The following PEPD variants were observed in gnomAD, a reference collection of about 807,000 sequenced individuals.
PEPD encodes peptidase D.
In PEPD, 53 loss-of-function variants were observed where a neutral mutation model predicts 60.7. That is an observed-to-expected ratio of 0.87 (90% CI 0.70 to 1.10). PEPD has a LOEUF of 1.10. Ranked by LOEUF, PEPD falls within the 50% of genes least tolerant of loss-of-function variation. PEPD has a pLI of 0.00. For missense variants in PEPD, 711 were observed against 711.9 expected (o/e 1.00, Z 0.01); for synonymous variants, 267 against 284.1 (o/e 0.94, Z 0.60).
intron 4 of PEPD, among the ~76,000 whole-genome samples, chr19:33,496,331 TG>T (rs1025090949): frequency 6.6e-6 from 1 of 152,156 alleles, no homozygotes; most frequent in Non-Finnish European, 1.5e-5. Context: ...GCCGTCTCCT[TG>T]CAGCCCGGTG....
chr19:33,494,801 C>T (rs533295511), intron 4 of PEPD, among the ~76,000 whole-genome samples: 19 of 152,334 alleles, frequency 1.2e-4, no homozygotes, highest in African/African-American at 4.3e-4. Context: ...AATAACAGCG[C>T]AGCCCAGATT....
chr19:33,505,865 C>A (rs915999092), intron 3 of PEPD, among the ~76,000 whole-genome samples: 1 of 132,968 alleles, frequency 7.5e-6, no homozygotes, highest in African/African-American at 2.6e-5. Flanking sequence ...ACACCCACCA[C>A]ACCCCATCAC....
At chr19:33,459,224 C>T (rs2145265583) in intron 9 of PEPD, among the ~76,000 whole-genome samples, 1 of 152,246 alleles carries the variant, frequency 6.6e-6, no homozygotes, top group South Asian at 2.1e-4. Context: ...TCTCCCTTTC[C>T]CATGATTCTC....
intron 9 of PEPD, among the ~76,000 whole-genome samples, chr19:33,459,263 A>T (rs1178021660): frequency 1.3e-5 from 2 of 152,056 alleles, no homozygotes; most frequent in Non-Finnish European, 2.9e-5. Flanking sequence ...AAGGGCCCCA[A>T]ATGCCCCATT....
chr19:33,468,871 C>G (rs958233367), intron 7 of PEPD, among the ~76,000 whole-genome samples: 1 of 152,172 alleles, frequency 6.6e-6, no homozygotes, highest in African/African-American at 2.4e-5. Context: ...CGCCGTATGG[C>G]GGGTGCAGTC....
intron 9 of PEPD, among the ~76,000 whole-genome samples, chr19:33,426,539 C>T (rs941381728): frequency 2.0e-5 from 3 of 152,244 alleles, no homozygotes; most frequent in Non-Finnish European, 2.9e-5. Context: ...CCCTCCCTAT[C>T]GTCCTCTGCT....
chr19:33,434,774 G>A (rs1389996925), intron 9 of PEPD, among the ~76,000 whole-genome samples: 1 of 152,166 alleles, frequency 6.6e-6, no homozygotes, highest in Non-Finnish European at 1.5e-5. Context: ...ACTGGGCCTT[G>A]GGAACGGGGC....
intron 4 of PEPD, among the ~76,000 whole-genome samples, chr19:33,498,027 G>A (rs1458648064): frequency 3.3e-5 from 5 of 151,928 alleles, no homozygotes; most frequent in Admixed American, 6.5e-5. Context: ...ACGGGGTGGG[G>A]GCTACGGCCC....
intron 9 of PEPD, among the ~76,000 whole-genome samples, chr19:33,439,167 C>T (rs940339045): frequency 6.6e-6 from 1 of 152,232 alleles, no homozygotes; most frequent in Non-Finnish European, 1.5e-5. Context: ...CGTGCTTCCC[C>T]TGAGGAGGGA....
Position 33,430,063 on chromosome 19 carries a change from C to T in PEPD, c.672-16420G>A, listed in dbSNP as rs1318676809. Among the ~76,000 whole-genome samples the T allele has an allele frequency of 2.0e-5, 3 of 152,160 alleles. No individual in the cohort carries two copies. In the East Asian group the frequency reaches 5.8e-4, roughly 29 times the overall value. The stretch of plus-strand genomic sequence containing the variant: ...TGAGAACATGGCTTCTGGAGAGAGG[C>T]CACCTGGCTCCTCTAAGACCCATCT... On this transcript the variant is annotated intron_variant, in intron 9 of 14. Coordinates refer to ENST00000244137, the MANE Select transcript of PEPD (RefSeq NM_000285.4).
intron 5 of PEPD, among the ~76,000 whole-genome samples, chr19:33,491,307 G>A (rs1970495665): frequency 6.6e-6 from 1 of 152,012 alleles, no homozygotes; most frequent in South Asian, 2.1e-4. Flanking sequence ...AATATTAGCT[G>A]GGTGTGGTGG....
intron 9 of PEPD, among the ~76,000 whole-genome samples, chr19:33,460,593 C>A (rs1486500964): frequency 6.6e-6 from 1 of 152,194 alleles, no homozygotes; most frequent in South Asian, 2.1e-4. Context: ...CCCGTACCCA[C>A]CCCCCTGCTC....
intron 12 of PEPD, among the ~76,000 whole-genome samples, chr19:33,398,625 C>T (rs969481749): frequency 1.3e-5 from 2 of 152,346 alleles, no homozygotes; most frequent in South Asian, 2.1e-4. Context: ...ATCATTCATT[C>T]GAGTGACTAG....
chr19:33,443,977 C>T (rs1162408846), intron 9 of PEPD, among the ~76,000 whole-genome samples: 1 of 151,988 alleles, frequency 6.6e-6, no homozygotes, highest in Non-Finnish European at 1.5e-5. Context: ...CGCGCGTGCG[C>T]GCGCACACAC....
intron 9 of PEPD, among the ~76,000 whole-genome samples, chr19:33,461,622 C>G (rs918564635): frequency 1.3e-5 from 2 of 152,226 alleles, no homozygotes; most frequent in Non-Finnish European, 2.9e-5. Context: ...CACTGTGATT[C>G]AACTCAAGCT....
At chr19:33,515,504 G>A (rs936669033) in intron 1 of PEPD, among the ~76,000 whole-genome samples, 1 of 152,076 alleles carries the variant, frequency 6.6e-6, no homozygotes. Context: ...AGATGGCCAT[G>A]CTGTCAGGAG....
intron 5 of PEPD, among the ~76,000 whole-genome samples, chr19:33,490,527 T>C (rs938288588): frequency 1.3e-5 from 2 of 152,234 alleles, no homozygotes; most frequent in African/African-American, 4.8e-5. Flanking sequence ...GTGGCAGGAC[T>C]GCTGTGAAGC....
intron 9 of PEPD, among the ~76,000 whole-genome samples, chr19:33,457,966 G>A (rs1390916211): frequency 1.3e-5 from 2 of 152,234 alleles, no homozygotes; most frequent in Non-Finnish European, 2.9e-5. Flanking sequence ...CAGCACCCTC[G>A]GCTCGGGTGG....
intron 4 of PEPD, among the ~76,000 whole-genome samples, chr19:33,498,074 G>C (rs549651769): frequency 1.3e-5 from 2 of 151,946 alleles, no homozygotes; most frequent in Non-Finnish European, 2.9e-5. Flanking sequence ...CTCCCGCAGC[G>C]GGAGGGCCAA....
Sources: allele counts gnomAD v4.1 joint callset (sites outside exome capture counted in the v4.1 genomes callset), GRCh38; gene constraint gnomAD v4.1.1; transcripts MANE v1.5; gene names NCBI Gene and HGNC (gene_info 2026-07-23, HGNC 2026-07-21).